Variants in PCDHGB3 observed in about 807,000 individuals in gnomAD.
PCDHGB3 encodes the protein protocadherin gamma subfamily B, 3.
Under a neutral mutation model 59.2 loss-of-function variants are expected in PCDHGB3, and 40 were observed. The ratio of observed to expected loss-of-function variants is 0.68; its 90% CI spans 0.52 to 0.88. The LOEUF (loss-of-function observed/expected upper bound fraction) is 0.88. Ranked by LOEUF, PCDHGB3 falls within the 40% of genes least tolerant of loss-of-function variation. PCDHGB3 has a pLI of 0.00. For missense variants in PCDHGB3, 1,309 were observed against 1,187.9 expected (o/e 1.10, Z -1.50); for synonymous variants, 581 against 503.6 (o/e 1.15, Z -2.06).
rs778960850 is a variant in PCDHGB3, at chr5:141,389,261, G to A, written c.2415+16452G>A. 2.0e-5 allele frequency: 32 copies of A among 1,613,890 alleles called. No homozygotes were observed. The East Asian group carries it at 7.1e-4, about 36-fold the overall frequency. ...CACAGTCTTCCTATATAGTCCACGT[G>A]GCCGAGAACAACCCGCCTGGAGCCT... On this transcript the variant is annotated intron_variant, in intron 1 of 3. Coordinates refer to ENST00000576222, the MANE Select transcript of PCDHGB3 (RefSeq NM_018924.5).
intron 1 of PCDHGB3, chr5:141,399,438 T>C (rs2093809569): frequency 1.2e-6 from 2 of 1,613,996 alleles, no homozygotes; most frequent in Admixed American, 1.7e-5. Flanking sequence ...TCATCCTACA[T>C]ATCAGAGACG....
chr5:141,480,224 T>G (rs2099514647), intron 1 of PCDHGB3, among the ~76,000 whole-genome samples: 1 of 146,584 alleles, frequency 6.8e-6, no homozygotes, highest in Non-Finnish European at 1.5e-5. Context: ...AGCGACATAG[T>G]GAGATCCTGT....
intron 1 of PCDHGB3, chr5:141,391,032 T>C (rs908748282): frequency 2.0e-5 from 3 of 152,212 alleles, no homozygotes; most frequent in African/African-American, 7.2e-5. Context: ...AAGACAATGT[T>C]TTGTGTCTGT....
chr5:141,408,540 C>G (rs201370009), intron 1 of PCDHGB3: 4 of 1,613,928 alleles, frequency 2.5e-6, no homozygotes, highest in Non-Finnish European at 3.4e-6. Flanking sequence ...GTGGAAAATC[C>G]TTTAAATATT....
At position 141,491,289 on chromosome 5, in the gene PCDHGB3, C is replaced by T. The variant is rs2099710219; in HGVS notation, c.2416-3518C>T. ...CCAAATCCAGTGACTTCCTCATACA[C>T]CCTCCTGAGCGTTCAGACCTTACCC... On this transcript the variant is annotated intron_variant, in intron 1 of 3. Transcript: ENST00000576222. The surrounding 1 kb of genome is among the most constrained non-coding windows in gnomAD (Gnocchi z 6.9). 2 of 1,614,112 alleles carry T rather than the reference C, an allele frequency of 1.2e-6. No homozygotes were observed. The highest frequency in any genetic ancestry group is 1.7e-6 in the Non-Finnish European group (2 of 1,179,942).
At chr5:141,378,354 C>T (rs994186879) in intron 1 of PCDHGB3, 5 of 152,210 alleles carry the variant, frequency 3.3e-5, no homozygotes, top group African/African-American at 1.2e-4. Flanking sequence ...GAAACCCCGT[C>T]TCTACTAAAA....
chr5:141,484,941 C>T (rs2099604065), intron 1 of PCDHGB3: 2 of 543,888 alleles, frequency 3.7e-6, no homozygotes, highest in East Asian at 6.3e-5. Context: ...ACGTTCTCTG[C>T]TCAGCCTATT....
intron 1 of PCDHGB3, chr5:141,404,120 C>T (rs1224189151): frequency 1.2e-6 from 2 of 1,613,312 alleles, no homozygotes; most frequent in East Asian, 4.5e-5. Flanking sequence ...CCAGGAGAAT[C>T]TATCTTTTAC....
At chr5:141,399,231 T>C in intron 1 of PCDHGB3, 1 of 1,613,942 alleles carries the variant, frequency 6.2e-7, no homozygotes, top group Non-Finnish European at 8.5e-7. Flanking sequence ...TCAAAATACA[T>C]GACCAAGATT....
At position 141,374,455 on chromosome 5, in the gene PCDHGB3, G is replaced by A. The variant is rs772470084; in HGVS notation, c.2415+1646G>A. 3.7e-6 allele frequency: 6 copies of A among 1,613,610 alleles called. No homozygotes were observed. In the South Asian group the frequency reaches 5.5e-5, roughly 15 times the overall value. The stretch of plus-strand genomic sequence containing the variant: ...TTTATCCCGTGGAAGTGGAAATAGT[G>A]GACATTAATGACAATACACCCCGAT... On this transcript the variant is annotated intron_variant, in intron 1 of 3. Coordinates refer to ENST00000576222, the MANE Select transcript of PCDHGB3 (RefSeq NM_018924.5).
chr5:141,485,895 C>G lies in PCDHGB3; in HGVS notation c.2416-8912C>G, dbSNP rs1243568042. On this transcript the variant is annotated intron_variant, in intron 1 of 3. Coordinates refer to ENST00000576222, the MANE Select transcript of PCDHGB3 (RefSeq NM_018924.5). This position sits in a 1 kb window ranked among gnomAD's most constrained non-coding sequence, Gnocchi z 5.7. Reference sequence around the variant, plus strand: ...CTGGACGTAAACGACAACGCCCCAGCCTTCCAGCAATCCAGCTACAGGATT... The same window carrying G: ...CTGGACGTAAACGACAACGCCCCAGGCTTCCAGCAATCCAGCTACAGGATT... 3 of 1,614,136 alleles carry G rather than the reference C, an allele frequency of 1.9e-6. No individual in the cohort carries two copies. The highest frequency in any genetic ancestry group is 2.5e-6 in the Non-Finnish European group (3 of 1,180,036).
At chr5:141,418,665 A>T in intron 1 of PCDHGB3, 1 of 1,614,070 alleles carries the variant, frequency 6.2e-7, no homozygotes, top group Non-Finnish European at 8.5e-7. Context: ...GCCACTGACC[A>T]GGACGAGGGC....
chr5:141,412,902 T>G, intron 1 of PCDHGB3: 1 of 371,284 alleles, frequency 2.7e-6, no homozygotes, highest in East Asian at 4.2e-5. Flanking sequence ...TACTTTCCAT[T>G]GCATGTATCA....
chr5:141,494,153 G>T (rs2099752286), intron 1 of PCDHGB3, among the ~76,000 whole-genome samples: 1 of 152,186 alleles, frequency 6.6e-6, no homozygotes, highest in Non-Finnish European at 1.5e-5. Flanking sequence ...CCATTGTCTG[G>T]CACGGAGTTC....
In PCDHGB3 at chr5:141,370,576, T is replaced by C; in HGVS notation, c.182T>C (p.Leu61Ser). The C allele has an allele frequency of 6.2e-7, 1 of 1,613,974 alleles. No individual in the cohort carries two copies. Among genetic ancestry groups the C allele is most frequent in the Non-Finnish European group, 8.5e-7 (1 of 1,179,890 alleles). The change falls in exon 1 of 4, where the codon TTA (leucine) becomes TCA (serine). Residue 61 changes from leucine to serine, a missense_variant. Coordinates refer to ENST00000576222, the MANE Select transcript of PCDHGB3 (RefSeq NM_018924.5). ...GACCTGGGGTTTGGCGTGGGGGATTTACCTACTAGGAACCTGCGGGTTATT... is the reference window on the plus strand; with the variant it reads ...GACCTGGGGTTTGGCGTGGGGGATTCACCTACTAGGAACCTGCGGGTTATT... ...AKDLGFGVGD[L>S]PTRNLRVIAE...
chr5:141,389,533 T>C (rs2091811622), intron 1 of PCDHGB3: 4 of 1,613,216 alleles, frequency 2.5e-6, no homozygotes, highest in South Asian at 2.2e-5. Flanking sequence ...CGCGTGTTAG[T>C]GGACGACCGC....
intron 1 of PCDHGB3, among the ~76,000 whole-genome samples, chr5:141,474,227 G>A (rs1394834744): frequency 6.6e-6 from 1 of 152,190 alleles, no homozygotes; most frequent in Non-Finnish European, 1.5e-5. Flanking sequence ...TGTGAATTAA[G>A]TGATGCTGAA....
At chr5:141,415,589 T>A in intron 1 of PCDHGB3, 1 of 1,614,062 alleles carries the variant, frequency 6.2e-7, no homozygotes, top group East Asian at 2.2e-5. Flanking sequence ...AAGTTTCCTA[T>A]AGAGGATACC....
chr5:141,450,991 AT>A (rs1351194705), intron 1 of PCDHGB3, among the ~76,000 whole-genome samples: 2 of 150,700 alleles, frequency 1.3e-5, no homozygotes, highest in Non-Finnish European at 1.5e-5. Context: ...CACCCGGCTA[AT>A]TTTTTTGTAT....
Sources: allele counts gnomAD v4.1 joint callset (sites outside exome capture counted in the v4.1 genomes callset), GRCh38; gene constraint gnomAD v4.1.1; non-coding constraint Gnocchi (gnomAD v3.1); transcripts MANE v1.5; gene names NCBI Gene and HGNC (gene_info 2026-07-23, HGNC 2026-07-21).